DPP10: variants seen among roughly 807,000 people sequenced by gnomAD.
DPP10 encodes inactive dipeptidyl peptidase 10.
In DPP10, 33 loss-of-function variants were observed where a neutral mutation model predicts 120.9. The ratio of observed to expected loss-of-function variants is 0.27; its 90% CI spans 0.21 to 0.37. The LOEUF is 0.37. Ranked by LOEUF, DPP10 falls within the 10% of genes least tolerant of loss-of-function variation. DPP10 has a pLI of 1.00. For missense variants in DPP10, 816 were observed against 942.8 expected (o/e 0.87, Z 1.76); for synonymous variants, 337 against 326.1 (o/e 1.03, Z -0.36).
chr2:114,916,656 A>G (rs1694825425), intron 1 of DPP10, among the ~76,000 whole-genome samples: 1 of 152,234 alleles, frequency 6.6e-6, no homozygotes, highest in South Asian at 2.1e-4. Flanking sequence ...CCTAGGATAC[A>G]GGATTGGTTC....
At chr2:115,799,302 G>A (rs1684895483) in intron 19 of DPP10, among the ~76,000 whole-genome samples, 1 of 151,620 alleles carries the variant, frequency 6.6e-6, no homozygotes, top group Non-Finnish European at 1.5e-5. Flanking sequence ...GGAATTAAAA[G>A]TGTTGAAAAT....
In DPP10 at chr2:115,268,378, T is replaced by C. The variant is rs533598481; in HGVS notation, c.61-40861T>C. ...AAACTCAGAAAGCTTCATTACTTTC[T>C]GCAAACCTTGAACAATCTAGTGAAT... is the stretch of plus-strand genomic sequence containing the variant. On this transcript the variant is annotated intron_variant, in intron 1 of 25. Transcript: ENST00000410059. Among the ~76,000 whole-genome samples the C allele has an allele frequency of 3.3e-5, 5 of 152,324 alleles. No homozygotes were observed. In the South Asian group the frequency reaches 8.3e-4, roughly 25 times the overall value.
chr2:115,661,453 A>G lies in DPP10; in HGVS notation c.442-28234A>G, dbSNP rs200072256. Among the ~76,000 whole-genome samples the G allele has an allele frequency of 2.2e-4, 34 of 152,278 alleles. No individual in the cohort carries two copies. The East Asian group carries it at 3.3e-3, about 15-fold the overall frequency. On this transcript the variant is annotated intron_variant, in intron 5 of 25. Coordinates refer to ENST00000410059, the MANE Select transcript of DPP10 (RefSeq NM_020868.6). ...AAAGCAGGCTCCCTGCAGTGCTTCT[A>G]AGTTTTGTTAGGTGAATGGTCACAG... is the stretch of plus-strand genomic sequence containing the variant.
chr2:114,638,937 T>C (rs1314116752), intron 1 of DPP10, among the ~76,000 whole-genome samples: 1 of 151,854 alleles, frequency 6.6e-6, no homozygotes, highest in East Asian at 1.9e-4. Flanking sequence ...TATATTACCA[T>C]GGAATACTAC....
At chr2:115,604,996 G>T (rs1422013451) in intron 5 of DPP10, among the ~76,000 whole-genome samples, 1 of 152,074 alleles carries the variant, frequency 6.6e-6, no homozygotes, top group African/African-American at 2.4e-5. Flanking sequence ...ATAACTTACT[G>T]CATAAAGAGA....
At chr2:115,380,904 G>A (rs2066280590) in intron 3 of DPP10, among the ~76,000 whole-genome samples, 1 of 152,194 alleles carries the variant, frequency 6.6e-6, no homozygotes, top group Admixed American at 6.5e-5. Flanking sequence ...GGCTTGTAGA[G>A]TTTCTGCCTA....
chr2:115,262,242 T>C (rs1230053367), intron 1 of DPP10, among the ~76,000 whole-genome samples: 1 of 152,152 alleles, frequency 6.6e-6, no homozygotes, highest in East Asian at 1.9e-4. Flanking sequence ...CTGATCATTA[T>C]ATATCTGAGA....
At chr2:114,976,526 T>C (rs932260163) in intron 1 of DPP10, among the ~76,000 whole-genome samples, 5 of 152,234 alleles carry the variant, frequency 3.3e-5, no homozygotes, top group African/African-American at 1.2e-4. Context: ...TTTCCTCAAA[T>C]GATAATGTAA....
intron 15 of DPP10, among the ~76,000 whole-genome samples, chr2:115,779,380 G>C (rs781291192): frequency 6.6e-6 from 1 of 152,062 alleles, no homozygotes; most frequent in Non-Finnish European, 1.5e-5. Flanking sequence ...CCCAGAAAAT[G>C]CAATCAATGT....
chr2:114,962,817 T>C (rs557852557), intron 1 of DPP10, among the ~76,000 whole-genome samples: 5 of 152,322 alleles, frequency 3.3e-5, no homozygotes, highest in African/African-American at 1.2e-4. Context: ...ATCACTTGGT[T>C]TTCTCCATTA....
intron 3 of DPP10, among the ~76,000 whole-genome samples, chr2:115,427,077 A>T (rs2070543826): frequency 6.6e-6 from 1 of 152,208 alleles, no homozygotes; most frequent in African/African-American, 2.4e-5. Flanking sequence ...AAAGCTCCAA[A>T]ATACACTCCT....
chr2:115,598,691 T>G (rs2083134246), intron 5 of DPP10, among the ~76,000 whole-genome samples: 1 of 152,002 alleles, frequency 6.6e-6, no homozygotes, highest in Middle Eastern at 3.4e-3. Context: ...TTGAAGAAAT[T>G]TTTAAAATAG....
chr2:114,745,543 G>T (rs985333160), intron 1 of DPP10, among the ~76,000 whole-genome samples: 1 of 152,110 alleles, frequency 6.6e-6, no homozygotes, highest in Non-Finnish European at 1.5e-5. Context: ...TATGATGGCT[G>T]CCCTCTAGAA....
intron 1 of DPP10, among the ~76,000 whole-genome samples, chr2:114,509,434 C>T (rs533739432): frequency 1.2e-4 from 18 of 152,270 alleles, no homozygotes; most frequent in Admixed American, 2.0e-4. Context: ...GAAATGAGTT[C>T]AGTTAGTCGA....
At chr2:114,665,136 GA>G (rs992015904) in intron 1 of DPP10, among the ~76,000 whole-genome samples, 1 of 152,158 alleles carries the variant, frequency 6.6e-6, no homozygotes, top group African/African-American at 2.4e-5. Flanking sequence ...AGTGGTCAAG[GA>G]AAAAAATGTA....
rs1677331516 is a variant in DPP10 at position 115,741,988 on chromosome 2, T to C, written c.852+2095T>C. On this transcript the variant is annotated intron_variant, in intron 9 of 25. Coordinates refer to ENST00000410059, the MANE Select transcript of DPP10 (RefSeq NM_020868.6). Reference sequence around the variant, plus strand: ...GATAATGTCTTCTAATAAATTAATATTGCTTAATAGTAAAGATAGGCGTAA... The same window carrying C: ...GATAATGTCTTCTAATAAATTAATACTGCTTAATAGTAAAGATAGGCGTAA... 1.3e-5 allele frequency among the ~76,000 whole-genome samples: 2 copies of C among 152,316 alleles called. 1 individual carries two copies. Among genetic ancestry groups the C allele is most frequent in the Admixed American group, 1.3e-4 (2 of 15,286 alleles).
intron 3 of DPP10, among the ~76,000 whole-genome samples, chr2:115,451,467 A>T (rs1365187983): frequency 1.3e-5 from 2 of 151,878 alleles, no homozygotes; most frequent in African/African-American, 4.8e-5. Flanking sequence ...GCATCTTGCC[A>T]ATTGTCTCTA....
chr2:114,568,034 G>A (rs1689339062), intron 1 of DPP10, among the ~76,000 whole-genome samples: 2 of 135,456 alleles, frequency 1.5e-5, no homozygotes, highest in Admixed American at 7.7e-5. Flanking sequence ...AAAAAAAAGA[G>A]AGAGAGAGAT....
chr2:115,007,811 T>A (rs1042206973), intron 1 of DPP10, among the ~76,000 whole-genome samples: 3 of 148,166 alleles, frequency 2.0e-5, no homozygotes, highest in Non-Finnish European at 4.5e-5. Flanking sequence ...AAATCATGAG[T>A]GAACTCCCAT....
Sources: gnomAD v4.1 joint callset for allele counts (sites outside exome capture counted in the v4.1 genomes callset) on GRCh38, gnomAD v4.1.1 for gene constraint, MANE v1.5 for transcripts, NCBI Gene and HGNC (gene_info 2026-07-23, HGNC 2026-07-21) for gene names.